The following NT5E variants were observed in gnomAD, a reference collection of about 807,000 sequenced individuals.
The protein encoded by NT5E is 5'-nucleotidase.
In NT5E, 53 loss-of-function variants were observed where a neutral mutation model predicts 55.1. That is an observed-to-expected ratio of 0.96 (90% CI 0.77 to 1.21). The LOEUF (loss-of-function observed/expected upper bound fraction) is 1.21, where lower values mean the gene tolerates loss of function less well. Ranked by LOEUF, NT5E falls within the 50% of genes most tolerant of loss-of-function variation. The pLI is 0.00. For synonymous variants in NT5E, 270 were observed against 278.4 expected (o/e 0.97, Z 0.30); for missense variants, 683 against 724.3 (o/e 0.94, Z 0.65).
chr6:85,464,403 C>G (rs1170734386), intron 1 of NT5E, among the ~76,000 whole-genome samples: 2 of 152,134 alleles, frequency 1.3e-5, no homozygotes, highest in East Asian at 3.9e-4. Context: ...TTTATTCATT[C>G]ACTGCCATTC....
At chr6:85,461,907 T>A (rs1769105766) in intron 1 of NT5E, among the ~76,000 whole-genome samples, 1 of 152,072 alleles carries the variant, frequency 6.6e-6, no homozygotes, top group African/African-American at 2.4e-5. Context: ...CTCCTCCCTA[T>A]CCTGCCAGGC....
At chr6:85,466,910 A>G in intron 1 of NT5E, 150 bp from the exon 2 acceptor site, 2 of 747,498 alleles carry the variant, frequency 2.7e-6, no homozygotes, top group Non-Finnish European at 4.6e-6. Flanking sequence ...AAGCAATGTG[A>G]TGATCTGAAT....
At chr6:85,471,014 A>C (rs10944128) in intron 2 of NT5E, among the ~76,000 whole-genome samples, 71,798 of 151,990 alleles carry the variant, frequency 0.47, 17,997 homozygotes, top group Admixed American at 0.59. Flanking sequence ...CAATATCCAC[A>C]ACCTTAAACT....
rs895466045 is a variant in NT5E, at chr6:85,485,565, G to C, written c.949+133G>C. The C allele has an allele frequency of 4.3e-6, 4 of 933,002 alleles. No homozygotes were observed. The African/African-American group carries it at 6.6e-5, about 15-fold the overall frequency. 57.8% of individuals were successfully genotyped at this position (933,002 alleles called of 1,614,324 possible). On this transcript the variant is annotated intron_variant, in intron 4 of 8. Coordinates refer to ENST00000257770, the MANE Select transcript of NT5E (RefSeq NM_002526.4). Reference sequence around the variant, plus strand: ...TGTTGAAGAATTTAGTTTCTTCCTTGAGTTTGCCCTCTTCATGGATAGATT... The same window carrying C: ...TGTTGAAGAATTTAGTTTCTTCCTTCAGTTTGCCCTCTTCATGGATAGATT...
intron 3 of NT5E, among the ~76,000 whole-genome samples, chr6:85,476,445 G>A (rs759442701): frequency 3.3e-5 from 5 of 152,204 alleles, no homozygotes; most frequent in Non-Finnish European, 7.3e-5. Context: ...GGCAGGAGTA[G>A]AACTCTGTGC....
rs1768827006 is a variant in NT5E at position 85,450,285 on chromosome 6, G to A, written c.146G>A (p.Ser49Asn). ...CTGGAGCAGACCAGCGAGGACTCCA[G>A]CAAGTGCGTCAACGCCAGCCGCTGC... ...SRLEQTSEDSSKCVNASRCMG... is the reference protein window; with the variant it reads ...SRLEQTSEDSNKCVNASRCMG... The change falls in exon 1 of 9, where the codon AGC becomes AAC. Residue 49 changes from serine to asparagine, a missense_variant. Coordinates refer to ENST00000257770, the MANE Select transcript of NT5E (RefSeq NM_002526.4). The surrounding 1 kb of genome is among the most constrained non-coding windows in gnomAD (Gnocchi z 4.0). 3 of 1,607,894 alleles carry A rather than the reference G, an allele frequency of 1.9e-6. No individual in the cohort carries two copies. In the South Asian group the frequency reaches 3.3e-5, roughly 18 times the overall value.
At chr6:85,472,327 C>A (rs1429980482) in intron 3 of NT5E, among the ~76,000 whole-genome samples, 1 of 152,120 alleles carries the variant, frequency 6.6e-6, no homozygotes, top group East Asian at 1.9e-4. Context: ...CAAAATACCC[C>A]AAACAATAAG....
In NT5E at chr6:85,495,536, C is replaced by T. The variant is rs1050381250; in HGVS notation, c.*1532C>T. The T allele has an allele frequency of 2.6e-5, 4 of 152,072 alleles. No homozygotes were observed. Among genetic ancestry groups the T allele is most frequent in the East Asian group, 1.9e-4 (1 of 5,196 alleles). The allele number at this position is 152,072 out of a possible 1,614,324, so 9.4% of individuals were successfully genotyped here. ...AGTTGTTGCAGCAAAATAATAGCCT[C>T]GGTTCTATGCATATATGGATTAGCT... On this transcript the variant is annotated 3_prime_UTR_variant, in exon 9 of 9. Transcript: ENST00000257770.
intron 3 of NT5E, among the ~76,000 whole-genome samples, chr6:85,474,948 A>G (rs1019090252): frequency 3.9e-5 from 6 of 152,274 alleles, no homozygotes; most frequent in Middle Eastern, 3.4e-3. Context: ...AACAGCAACA[A>G]CAGCAAAAAC....
Position 85,476,616 on chromosome 6 carries a change from G to A in NT5E, c.751+5191G>A, listed in dbSNP as rs1473014300. ...ATCCTGAACTCTTGTTCAGCAACCA[G>A]GAAGGATCAGCTTGCACGAACAAAT... On this transcript the variant is annotated intron_variant, in intron 3 of 8. Coordinates refer to ENST00000257770, the MANE Select transcript of NT5E (RefSeq NM_002526.4). 2.6e-5 allele frequency among the ~76,000 whole-genome samples: 4 copies of A among 152,184 alleles called. 1 individual carries two copies. The highest frequency in any genetic ancestry group is 1.9e-4 in the East Asian group (1 of 5,192).
Position 85,479,126 on chromosome 6 carries a change from T to C in NT5E, c.752-6109T>C, listed in dbSNP as rs143870444. On this transcript the variant is annotated intron_variant, in intron 3 of 8. Transcript: ENST00000257770. ...ATTTTTAAAGTCCCTGTAAACCCTA[T>C]AAAATTAACTACTAATCCTAAACTT... Among the ~76,000 whole-genome samples, 1,046 of 152,280 alleles carry C rather than the reference T, an allele frequency of 6.9e-3. 15 individuals are homozygous for C. Among genetic ancestry groups the C allele is most frequent in the African/African-American group, 0.024 (998 of 41,566 alleles).
Position 85,471,426 on chromosome 6 carries a change from G to A in NT5E, c.751+1G>A. On this transcript the variant is annotated splice_donor_variant, in intron 3 of 8. Coordinates refer to ENST00000257770, the MANE Select transcript of NT5E (RefSeq NM_002526.4). LOFTEE classifies it high-confidence loss of function. ...CACTCCAACACATTTCTTTACACAGGTAATTGTTTCAAAAGGATTGCATGG... is the reference window on the plus strand; with the variant it reads ...CACTCCAACACATTTCTTTACACAGATAATTGTTTCAAAAGGATTGCATGG... 1 of 1,611,774 alleles carries A rather than the reference G, an allele frequency of 6.2e-7. No individual in the cohort carries two copies.
At chr6:85,473,732 A>T (rs1769369859) in intron 3 of NT5E, among the ~76,000 whole-genome samples, 2 of 152,210 alleles carry the variant, frequency 1.3e-5, no homozygotes, top group Non-Finnish European at 1.5e-5. Flanking sequence ...ACTTAATGCC[A>T]GCTACCACTC....
At chr6:85,473,123 A>C (rs1044743473) in intron 3 of NT5E, among the ~76,000 whole-genome samples, 5 of 152,160 alleles carry the variant, frequency 3.3e-5, no homozygotes, top group African/African-American at 1.2e-4. Context: ...CAACTCCATG[A>C]GGGTTAAATG....
At chr6:85,459,874 A>C (rs1019232188) in intron 1 of NT5E, among the ~76,000 whole-genome samples, 4 of 152,236 alleles carry the variant, frequency 2.6e-5, no homozygotes, top group Non-Finnish European at 5.9e-5. Flanking sequence ...TGAATCAACG[A>C]TCAAAGAATG....
chr6:85,450,256 C>T lies in NT5E; in HGVS notation c.117C>T (p.Ser39=). The T allele has an allele frequency of 6.2e-7, 1 of 1,609,278 alleles. No individual in the cohort carries two copies. Among genetic ancestry groups the T allele is most frequent in the South Asian group, 1.1e-5 (1 of 90,144 alleles). ...TTTTGCACACCAACGACGTGCACAG[C>T]CGGCTGGAGCAGACCAGCGAGGACT... ...LTILHTNDVH[S]RLEQTSEDSS... The change falls in exon 1 of 9, where the codon AGC becomes AGT. Residue 39 remains serine (S), a synonymous_variant. Transcript: ENST00000257770. This position sits in a 1 kb window ranked among gnomAD's most constrained non-coding sequence, Gnocchi z 4.0.
chr6:85,490,721 T>C, intron 7 of NT5E, 64 bp downstream of exon 7: 1 of 1,588,726 alleles, frequency 6.3e-7, no homozygotes, highest in Non-Finnish European at 8.6e-7. Flanking sequence ...GCTGGTTGGC[T>C]CAGCTTCCCC....
intron 3 of NT5E, among the ~76,000 whole-genome samples, chr6:85,480,187 G>A (rs1769516748): frequency 1.3e-5 from 2 of 152,202 alleles, no homozygotes; most frequent in South Asian, 4.1e-4. Context: ...CAGCCTATCA[G>A]GCTTGGGTAC....
intron 3 of NT5E, among the ~76,000 whole-genome samples, chr6:85,480,659 T>C (rs1769529082): frequency 6.6e-6 from 1 of 152,198 alleles, no homozygotes; most frequent in African/African-American, 2.4e-5. Context: ...GGCAGGAACC[T>C]AGTCCTGGGT....
Sources: gnomAD v4.1 joint callset for allele counts (sites outside exome capture counted in the v4.1 genomes callset) on GRCh38, gnomAD v4.1.1 for gene constraint, Gnocchi (gnomAD v3.1) non-coding constraint, MANE v1.5 for transcripts, NCBI Gene and HGNC (gene_info 2026-07-23, HGNC 2026-07-21) for gene names.